Variants in RUSC2 observed in about 807,000 individuals in gnomAD.
The protein encoded by RUSC2 is AP-4 complex accessory subunit RUSC2.
Under a neutral mutation model 122.2 loss-of-function variants are expected in RUSC2, and 34 were observed. The ratio of observed to expected loss-of-function variants is 0.28; its 90% CI spans 0.21 to 0.37. The LOEUF is 0.37. RUSC2 is among the 10% of genes least tolerant of loss of function. The pLI, the probability that RUSC2 is intolerant of heterozygous loss-of-function variation, is 1.00. For synonymous variants in RUSC2, 784 were observed against 790.0 expected, an observed-to-expected ratio of 0.99 and a Z score of 0.13; for missense variants, 1,747 against 1,952.4, an observed-to-expected ratio of 0.89 and a Z score of 1.98.
chr9:35,549,344 G>A (rs543320923), intron 2 of RUSC2: 2 of 455,016 alleles, frequency 4.4e-6, no homozygotes, highest in East Asian at 1.6e-4. Flanking sequence ...GCCCAGGCTG[G>A]AGTGCAGTGG....
chr9:35,521,891 GATGACCTCCTGGGCATTGGCTGCT>G (rs531978098), intron 1 of RUSC2, among the ~76,000 whole-genome samples: 387 of 152,374 alleles, frequency 2.5e-3, no homozygotes, highest in African/African-American at 8.7e-3. Flanking sequence ...AGGAAAGACA[GATGACCTCCTGGGCATTGGCTGCT>G]ATTCCATTTA....
rs764798424 is a variant in RUSC2, at chr9:35,548,099, G to A, written c.1578G>A (p.Glu526=). 4.3e-6 allele frequency: 7 copies of A among 1,613,190 alleles called. No individual in the cohort carries two copies. Among genetic ancestry groups the A allele is most frequent in the South Asian group, 1.1e-5 (1 of 91,086 alleles). The change falls in exon 2 of 12, where the codon GAG becomes GAA. Residue 526 remains glutamate, a synonymous_variant. Coordinates refer to ENST00000361226, the MANE Select transcript of RUSC2 (RefSeq NM_014806.5). The surrounding 1 kb of genome is among the most constrained non-coding windows in gnomAD (Gnocchi z 4.5). The part of the protein sequence containing the change: ...RMLSCPVRLS[E]GPAAMAGPGS... ...TGAGTTGCCCAGTGCGCTTGAGTGA[G>A]GGCCCTGCAGCCATGGCCGGGCCTG...
At chr9:35,524,111 G>C (rs1461794899) in intron 1 of RUSC2, among the ~76,000 whole-genome samples, 1 of 151,782 alleles carries the variant, frequency 6.6e-6, no homozygotes, top group Non-Finnish European at 1.5e-5. Flanking sequence ...ATCACTTGAG[G>C]CCAGGAGTTT....
At chr9:35,525,507 A>T (rs1410131561) in intron 1 of RUSC2, among the ~76,000 whole-genome samples, 1 of 152,096 alleles carries the variant, frequency 6.6e-6, no homozygotes, top group Non-Finnish European at 1.5e-5. Context: ...TTTCCTTTAA[A>T]AAGAATTTTT....
At chr9:35,545,273 G>T (rs568756858) in intron 1 of RUSC2, among the ~76,000 whole-genome samples, 8 of 152,264 alleles carry the variant, frequency 5.3e-5, no homozygotes, top group Admixed American at 3.3e-4. Context: ...TTAGACTCAG[G>T]GTGAGTGAAA....
intron 1 of RUSC2, among the ~76,000 whole-genome samples, chr9:35,531,368 T>A (rs1324324385): frequency 6.6e-6 from 1 of 152,210 alleles, no homozygotes; most frequent in African/African-American, 2.4e-5. Context: ...CCCTTGTGCC[T>A]GTATATGTGA....
chr9:35,500,343 A>G lies in RUSC2; in HGVS notation c.-93+10171A>G, dbSNP rs191112223. ...TCAGATCTTGTGAGACTTATTTGCA[A>G]CCACAAGAACAGCACAGGAAAGACC... On this transcript the variant is annotated intron_variant, in intron 1 of 11. Coordinates refer to ENST00000361226, the MANE Select transcript of RUSC2 (RefSeq NM_014806.5). 2.5e-3 allele frequency among the ~76,000 whole-genome samples: 382 copies of G among 152,276 alleles called. 7 individuals are homozygous for G. The highest frequency in any genetic ancestry group is 5.9e-4 in the Non-Finnish European group (40 of 68,020).
At chr9:35,560,906 G>A in intron 10 of RUSC2, 54 bp from the exon 11 acceptor site, 1 of 1,592,322 alleles carries the variant, frequency 6.3e-7, no homozygotes, top group Non-Finnish European at 8.6e-7. Flanking sequence ...CTGTAAGCCA[G>A]GGCACGGGCA....
Position 35,557,688 on chromosome 9 carries a change from G to C in RUSC2, c.2984-226G>C, listed in dbSNP as rs898918729. Among the ~76,000 whole-genome samples, 1 of 152,192 alleles carries C rather than the reference G, an allele frequency of 6.6e-6. No homozygotes were observed. The highest frequency in any genetic ancestry group is 1.5e-5 in the Non-Finnish European group (1 of 68,040). ...AAGGACATTGAGAGGCTTGACAGTG[G>C]CATCACTGAGGTAGCTCCAGGCTGG... On this transcript the variant is annotated intron_variant, in intron 5 of 11. Coordinates refer to ENST00000361226, the MANE Select transcript of RUSC2 (RefSeq NM_014806.5). This position sits in a 1 kb window ranked among gnomAD's most constrained non-coding sequence, Gnocchi z 4.6.
chr9:35,490,661 C>G (rs1355800563), intron 1 of RUSC2, among the ~76,000 whole-genome samples: 4 of 152,210 alleles, frequency 2.6e-5, no homozygotes, highest in Admixed American at 6.5e-5. Flanking sequence ...TCCCTCCACC[C>G]TTTTAGCCCC....
rs1428657401 is a variant in RUSC2 at position 35,558,971 on chromosome 9, A to C, written c.3342-255A>C. Among the ~76,000 whole-genome samples the C allele has an allele frequency of 6.6e-6, 1 of 152,158 alleles. No individual in the cohort carries two copies. Among genetic ancestry groups the C allele is most frequent in the Non-Finnish European group, 1.5e-5 (1 of 68,034 alleles). On this transcript the variant is annotated intron_variant, in intron 8 of 11. Transcript: ENST00000361226. This position sits in a 1 kb window ranked among gnomAD's most constrained non-coding sequence, Gnocchi z 4.3. ...TTCCCTTTGGCCCTGAGCTGCCTGT[A>C]CTTTCACACAGTAGCTGCCTTGATT...
At position 35,547,493 on chromosome 9, in the gene RUSC2, G is replaced by A; in HGVS notation, c.972G>A (p.Leu324=). The part of the protein sequence containing the change: ...HSDPGAFYLD[L]QPSPFESKMS... ...ACCCTGGCGCCTTCTATCTGGATCT[G>A]CAGCCCTCCCCATTTGAGTCTAAGA... The change falls in exon 2 of 12, where the codon CTG becomes CTA. Residue 324 remains leucine, a synonymous_variant. Coordinates refer to ENST00000361226, the MANE Select transcript of RUSC2 (RefSeq NM_014806.5). The surrounding 1 kb of genome is among the most constrained non-coding windows in gnomAD (Gnocchi z 4.6). 1.2e-6 allele frequency: 2 copies of A among 1,614,170 alleles called. No homozygotes were observed. The highest frequency in any genetic ancestry group is 8.5e-7 in the Non-Finnish European group (1 of 1,180,046).
Position 35,547,568 on chromosome 9 carries a change from T to C in RUSC2, c.1047T>C (p.Tyr349=). The change falls in exon 2 of 12, where the codon TAT becomes TAC. Residue 349 remains tyrosine, a synonymous_variant. Coordinates refer to ENST00000361226, the MANE Select transcript of RUSC2 (RefSeq NM_014806.5). The surrounding 1 kb of genome is among the most constrained non-coding windows in gnomAD (Gnocchi z 4.6). ...HPESGGREGG[Y]GCPHASSPEL... Reference sequence around the variant, plus strand: ...AAAGTGGAGGAAGGGAAGGGGGCTATGGTTGCCCTCATGCCTCTTCTCCTG... The same window carrying C: ...AAAGTGGAGGAAGGGAAGGGGGCTACGGTTGCCCTCATGCCTCTTCTCCTG... The C allele has an allele frequency of 6.2e-7, 1 of 1,614,196 alleles. No individual in the cohort carries two copies. Among genetic ancestry groups the C allele is most frequent in the Non-Finnish European group, 8.5e-7 (1 of 1,180,026 alleles).
chr9:35,502,699 A>G (rs1820838250), intron 1 of RUSC2, among the ~76,000 whole-genome samples: 1 of 152,220 alleles, frequency 6.6e-6, no homozygotes, highest in African/African-American at 2.4e-5. Flanking sequence ...TTAGAGGCCA[A>G]AATTTTAGCA....
At chr9:35,559,197 C>T (rs765629646) in intron 8 of RUSC2, 29 bp from the exon 9 acceptor site, 2 of 1,595,058 alleles carry the variant, frequency 1.3e-6, no homozygotes, top group East Asian at 2.2e-5. Flanking sequence ...TCACACAAGA[C>T]TCAACTCTCT....
In RUSC2 at chr9:35,555,395, C is replaced by A; in HGVS notation, c.2350C>A (p.Arg784=). ...GCCCCTGGGCAGCTACTCCCCCATC[C>A]GGAGTGTTGGCCCCTTTGGGCCCAG... is the stretch of plus-strand genomic sequence containing the variant. ...PSPLGSYSPI[R]SVGPFGPSTD... Residue 784 remains arginine (R), a synonymous_variant, in exon 3 of 12, where the codon CGG becomes AGG. Transcript: ENST00000361226. This position sits in a 1 kb window ranked among gnomAD's most constrained non-coding sequence, Gnocchi z 4.6. 6.2e-7 allele frequency: 1 copy of A among 1,614,244 alleles called. No individual in the cohort carries two copies. The highest frequency in any genetic ancestry group is 8.5e-7 in the Non-Finnish European group (1 of 1,180,038).
chr9:35,503,109 G>A (rs750867459), intron 1 of RUSC2, among the ~76,000 whole-genome samples: 4 of 152,100 alleles, frequency 2.6e-5, no homozygotes, highest in Non-Finnish European at 4.4e-5. Context: ...TAATACACCC[G>A]CCTTAGCTTC....
At chr9:35,493,485 G>A (rs917842650) in intron 1 of RUSC2, among the ~76,000 whole-genome samples, 14 of 152,038 alleles carry the variant, frequency 9.2e-5, no homozygotes, top group Non-Finnish European at 8.8e-5. Context: ...GCCTGTATCA[G>A]AACTTCCCTC....
At chr9:35,534,110 G>A (rs768867559) in intron 1 of RUSC2, among the ~76,000 whole-genome samples, 2 of 152,126 alleles carry the variant, frequency 1.3e-5, no homozygotes, top group Admixed American at 1.3e-4. Context: ...ACACATCATT[G>A]TCAACATGTG....
Sources: allele counts gnomAD v4.1 joint callset (sites outside exome capture counted in the v4.1 genomes callset), GRCh38; gene constraint gnomAD v4.1.1; non-coding constraint Gnocchi (gnomAD v3.1); transcripts MANE v1.5; gene names NCBI Gene and HGNC (gene_info 2026-07-23, HGNC 2026-07-21).